The following UBAC2 variants were observed in gnomAD, a reference collection of about 807,000 sequenced individuals.
The protein encoded by UBAC2 is UBA domain containing 2.
A neutral mutation model predicts 44.0 loss-of-function variants in UBAC2; 26 were observed. The observed-to-expected ratio is 0.59, with a 90% CI of 0.43 to 0.82. The LOEUF (loss-of-function observed/expected upper bound fraction) is 0.82, where lower values mean the gene tolerates loss of function less well. Ranked by LOEUF, UBAC2 falls within the 40% of genes least tolerant of loss-of-function variation. UBAC2 has a pLI of 0.00. For missense variants in UBAC2, 329 were observed against 419.4 expected (o/e 0.78, Z 1.88); for synonymous variants, 155 against 154.3 (o/e 1.00, Z -0.04).
chr13:99,273,698 T>A lies in UBAC2; in HGVS notation c.389+29074T>A, dbSNP rs572694376. On this transcript the variant is annotated intron_variant, in intron 4 of 8. Coordinates refer to ENST00000403766, the MANE Select transcript of UBAC2 (RefSeq NM_001144072.2). Reference sequence around the variant, plus strand: ...ATGAATCCAAGCAGATTCATCCATTTGGGTTGTACACTTGGTGTGGGCCCT... The same window carrying A: ...ATGAATCCAAGCAGATTCATCCATTAGGGTTGTACACTTGGTGTGGGCCCT... Among the ~76,000 whole-genome samples the A allele has an allele frequency of 2.0e-5, 3 of 152,248 alleles. 1 individual carries two copies. In the South Asian group the frequency reaches 6.2e-4, roughly 32 times the overall value.
intron 1 of UBAC2, among the ~76,000 whole-genome samples, chr13:99,237,275 C>T (rs76081348): frequency 0.1 from 13,864 of 134,512 alleles, 771 homozygotes; most frequent in African/African-American, 0.17. Flanking sequence ...TATATATACA[C>T]ACACACACAC....
intron 7 of UBAC2, among the ~76,000 whole-genome samples, chr13:99,345,389 G>A (rs1172453353): frequency 1.3e-5 from 2 of 151,376 alleles, no homozygotes; most frequent in East Asian, 3.9e-4. Flanking sequence ...CCACAGAGGA[G>A]GAGACAAATA....
intron 1 of UBAC2, among the ~76,000 whole-genome samples, chr13:99,223,542 G>GTTTTTTTTTTTTT (rs145143990): frequency 8.0e-5 from 5 of 62,446 alleles, no homozygotes; most frequent in East Asian, 5.1e-4. Flanking sequence ...CTCTTTTTCT[G>GTTTTTTTTTTTTT]TTTTTTTTTT....
chr13:99,284,257 C>G (rs1405514839), intron 4 of UBAC2, among the ~76,000 whole-genome samples: 1 of 152,174 alleles, frequency 6.6e-6, no homozygotes, highest in African/African-American at 2.4e-5. Context: ...GGGGAAGTGC[C>G]CCCATGAATG....
At chr13:99,332,320 T>C (rs139679900) in intron 6 of UBAC2, among the ~76,000 whole-genome samples, 1 of 152,352 alleles carries the variant, frequency 6.6e-6, no homozygotes, top group African/African-American at 2.4e-5. Context: ...TTGCATGTTT[T>C]CTACCCAGCA....
At chr13:99,341,947 A>G (rs2044896743) in intron 7 of UBAC2, among the ~76,000 whole-genome samples, 1 of 152,230 alleles carries the variant, frequency 6.6e-6, no homozygotes, top group Non-Finnish European at 1.5e-5. Context: ...TCAAAAGAGC[A>G]GATTTGGGGG....
At chr13:99,234,854 A>C (rs916264278) in intron 1 of UBAC2, among the ~76,000 whole-genome samples, 1 of 152,222 alleles carries the variant, frequency 6.6e-6, no homozygotes, top group Non-Finnish European at 1.5e-5. Flanking sequence ...ACTTGGGGGA[A>C]ATGTTCCTGA....
chr13:99,376,250 A>G (rs1440379881), intron 8 of UBAC2, among the ~76,000 whole-genome samples: 3 of 152,134 alleles, frequency 2.0e-5, no homozygotes, highest in African/African-American at 7.2e-5. Flanking sequence ...GGCAACGCCT[A>G]TTTCTGTCAT....
chr13:99,331,141 C>T (rs1172502364), intron 6 of UBAC2, among the ~76,000 whole-genome samples: 1 of 152,226 alleles, frequency 6.6e-6, no homozygotes, highest in African/African-American at 2.4e-5. Context: ...GACCACTGGT[C>T]TAAGTCCTGG....
At chr13:99,322,972 G>A (rs1238098986) in intron 6 of UBAC2, among the ~76,000 whole-genome samples, 4 of 152,102 alleles carry the variant, frequency 2.6e-5, no homozygotes, top group African/African-American at 9.7e-5. Context: ...CTGTCTTAAA[G>A]TAACTGTGAA....
At chr13:99,237,555 G>A (rs769629509) in intron 1 of UBAC2, among the ~76,000 whole-genome samples, 13 of 152,092 alleles carry the variant, frequency 8.5e-5, no homozygotes, top group Non-Finnish European at 1.5e-4. Context: ...GAAATAAGAC[G>A]GTGTTCAGTA....
At chr13:99,341,253 C>T (rs1346964237) in intron 7 of UBAC2, among the ~76,000 whole-genome samples, 1 of 152,196 alleles carries the variant, frequency 6.6e-6, no homozygotes, top group Non-Finnish European at 1.5e-5. Context: ...CTTCTTTACC[C>T]CTGGGGTAGT....
intron 6 of UBAC2, among the ~76,000 whole-genome samples, chr13:99,322,582 G>A (rs947529122): frequency 2.6e-5 from 4 of 152,066 alleles, no homozygotes; most frequent in Admixed American, 1.3e-4. Context: ...TCCCTTCAAC[G>A]CAGCCCTTCA....
At chr13:99,328,032 T>C (rs1344779201) in intron 6 of UBAC2, among the ~76,000 whole-genome samples, 1 of 152,218 alleles carries the variant, frequency 6.6e-6, no homozygotes, top group East Asian at 1.9e-4. Context: ...CAGCCGCAGG[T>C]AACCACTGAT....
At chr13:99,300,467 G>T (rs998038808) in intron 4 of UBAC2, among the ~76,000 whole-genome samples, 29 of 152,180 alleles carry the variant, frequency 1.9e-4, no homozygotes, top group Admixed American at 2.6e-4. Flanking sequence ...ATCCCAAATT[G>T]AGAGGAAAAT....
intron 4 of UBAC2, chr13:99,308,047 A>G (rs1233694267): frequency 6.6e-6 from 1 of 152,236 alleles, no homozygotes; most frequent in Non-Finnish European, 1.5e-5. Context: ...CAGCCTCTTC[A>G]GCACAGGGTG....
At chr13:99,329,049 G>A (rs1325629326) in intron 6 of UBAC2, among the ~76,000 whole-genome samples, 1 of 152,176 alleles carries the variant, frequency 6.6e-6, no homozygotes, top group Non-Finnish European at 1.5e-5. Flanking sequence ...TCCATTACCA[G>A]TTATTGAAAA....
At chr13:99,201,184 G>C in intron 1 of UBAC2, 1 of 1,400,524 alleles carries the variant, frequency 7.1e-7, no homozygotes. Context: ...GGTATCCCCA[G>C]GTGCTCTGCC....
intron 6 of UBAC2, among the ~76,000 whole-genome samples, chr13:99,337,262 A>G (rs1292588863): frequency 6.6e-6 from 1 of 152,206 alleles, no homozygotes; most frequent in Non-Finnish European, 1.5e-5. Context: ...TGGTATCTTA[A>G]AAGTTTTGCA....
Sources: allele counts gnomAD v4.1 joint callset (sites outside exome capture counted in the v4.1 genomes callset), GRCh38; gene constraint gnomAD v4.1.1; transcripts MANE v1.5; gene names NCBI Gene and HGNC (gene_info 2026-07-23, HGNC 2026-07-21).